Variants in GPALPP1 observed in about 807,000 individuals in gnomAD.
GPALPP1 encodes GPALPP motifs containing 1.
GPALPP1 carries 30 observed loss-of-function variants against 38.9 expected under a neutral mutation model. The ratio of observed to expected loss-of-function variants is 0.77; its 90% CI spans 0.58 to 1.05. GPALPP1 has a LOEUF of 1.05. Among genes scored for constraint, GPALPP1 ranks in the 50% least tolerant of loss-of-function variants. The pLI is 0.00. For synonymous variants in GPALPP1, 120 were observed against 139.2 expected (o/e 0.86, Z 0.97); for missense variants, 384 against 408.8 (o/e 0.94, Z 0.52).
Position 45,004,274 on chromosome 13 carries a change from C to T in GPALPP1, c.89-31C>T, listed in dbSNP as rs116977646. On this transcript the variant is annotated intron_variant, in intron 1 of 7. Transcript: ENST00000379151. Reference sequence around the variant, plus strand: ...GAAGGGTTCATTGAAACAGTAGTGGCTAGTGATGACAAACAACAAGTGTTC... The same window carrying T: ...GAAGGGTTCATTGAAACAGTAGTGGTTAGTGATGACAAACAACAAGTGTTC... 8.4e-4 allele frequency: 1,333 copies of T among 1,593,940 alleles called. 23 individuals are homozygous for T. The East Asian group carries it at 0.027, about 33-fold the overall frequency.
chr13:44,995,082 C>T (rs1873151595), intron 1 of GPALPP1, among the ~76,000 whole-genome samples: 1 of 151,866 alleles, frequency 6.6e-6, no homozygotes, highest in African/African-American at 2.4e-5. Context: ...GAACTCCCGA[C>T]CTCAGGTGAT....
intron 1 of GPALPP1, among the ~76,000 whole-genome samples, chr13:44,995,334 C>CT (rs1300671587): frequency 6.6e-6 from 1 of 152,122 alleles, no homozygotes; most frequent in Non-Finnish European, 1.5e-5. Flanking sequence ...AAGCTGACTC[C>CT]TAAGCCCTCT....
intron 2 of GPALPP1, among the ~76,000 whole-genome samples, chr13:45,005,447 A>G (rs1183212937): frequency 6.6e-6 from 1 of 152,052 alleles, no homozygotes; most frequent in East Asian, 1.9e-4. Flanking sequence ...GTCTATGTAA[A>G]TGAGAAGTCA....
chr13:45,020,343 C>G lies in GPALPP1; in HGVS notation c.719C>G (p.Ala240Gly), dbSNP rs749083020. Residue 240 changes from alanine to glycine, a missense_variant, in exon 7 of 8, where the codon GCA (alanine) becomes GGA (glycine). Coordinates refer to ENST00000379151, the MANE Select transcript of GPALPP1 (RefSeq NM_018559.5). ...TTCATTCCTCAGGAAACACAAGAAG[C>G]AAGGAAGTCATCCAGTAAGAAAGAT... ...RERKAKETQEARKSSSKKDEE... is the reference protein window; with the variant it reads ...RERKAKETQEGRKSSSKKDEE... 1.4e-6 allele frequency: 2 copies of G among 1,453,946 alleles called. No individual in the cohort carries two copies. Among genetic ancestry groups the G allele is most frequent in the Non-Finnish European group, 1.9e-6 (2 of 1,035,546 alleles). 90.1% of individuals were successfully genotyped at this position (1,453,946 alleles called of 1,614,324 possible).
chr13:45,017,838 C>T (rs1874981717), intron 6 of GPALPP1, among the ~76,000 whole-genome samples: 1 of 152,106 alleles, frequency 6.6e-6, no homozygotes, highest in Admixed American at 6.6e-5. Flanking sequence ...ATTAATAAGT[C>T]TTAAATTTTA....
chr13:45,006,336 C>A, intron 3 of GPALPP1, 33 bp downstream of exon 3: 1 of 1,044,698 alleles, frequency 9.6e-7, no homozygotes, highest in Non-Finnish European at 1.4e-6. Flanking sequence ...GCCAGTCTTT[C>A]TTTAAATATT....
intron 1 of GPALPP1, chr13:45,002,087 T>C (rs1873728177): frequency 6.6e-6 from 1 of 152,368 alleles, no homozygotes; most frequent in East Asian, 1.9e-4. Context: ...GTAATTCATA[T>C]CATGTCTGTC....
chr13:44,989,611 T>A lies in GPALPP1; in HGVS notation c.-44T>A. ...GGATTCTTTTTGGATAGGGTTGACG[T>A]TCGTGGATAGACTCATATCTGTGAC... On this transcript the variant is annotated 5_prime_UTR_variant, in exon 1 of 8. Transcript: ENST00000379151. 1.9e-6 allele frequency: 3 copies of A among 1,548,334 alleles called. No individual in the cohort carries two copies. The highest frequency in any genetic ancestry group is 2.7e-6 in the Non-Finnish European group (3 of 1,122,760).
intron 7 of GPALPP1, among the ~76,000 whole-genome samples, chr13:45,026,542 AT>A (rs899979767): frequency 5.9e-5 from 9 of 152,168 alleles, no homozygotes; most frequent in Non-Finnish European, 1.2e-4. Flanking sequence ...CACTTTCAGC[AT>A]TTTTTACTAG....
downstream of GPALPP1, chr13:45,034,531 A>G (rs544579756): frequency 3.3e-5 from 5 of 152,220 alleles, no homozygotes; most frequent in African/African-American, 1.2e-4. Context: ...ACATATGCAA[A>G]TGCCCTGAAG....
Position 45,015,476 on chromosome 13 carries a change from T to C in GPALPP1, c.585T>C (p.Leu195=). ...PIVRESWMTE[L]PPEMKDFGLG... Reference sequence around the variant, plus strand: ...TAAGAGAGTCATGGATGACTGAACTTCCTCCAGAAATGAAAGACTTTGGTC... The same window carrying C: ...TAAGAGAGTCATGGATGACTGAACTCCCTCCAGAAATGAAAGACTTTGGTC... The change falls in exon 6 of 8, where the codon CTT becomes CTC. Residue 195 remains leucine (L), a synonymous_variant. Transcript: ENST00000379151. The C allele has an allele frequency of 4.4e-6, 7 of 1,607,334 alleles. No homozygotes were observed. Among genetic ancestry groups the C allele is most frequent in the Non-Finnish European group, 5.9e-6 (7 of 1,176,986 alleles).
At chr13:44,995,199 CA>C (rs1159198571) in intron 1 of GPALPP1, among the ~76,000 whole-genome samples, 4 of 35,360 alleles carry the variant, frequency 1.1e-4, no homozygotes, top group African/African-American at 1.9e-4. Context: ...CACACACACA[CA>C]CACCCCTTCT....
In GPALPP1 at chr13:44,989,649, C is replaced by T; in HGVS notation, c.-6C>T. ...TCATATCTGTGACCAGTGTCCGCCA[C>T]CGCGGATGGCAAGAGACCTGATCGG... On this transcript the variant is annotated 5_prime_UTR_variant, in exon 1 of 8. Transcript: ENST00000379151. The T allele has an allele frequency of 6.2e-7, 1 of 1,610,044 alleles. No individual in the cohort carries two copies.
chr13:44,991,174 T>A (rs1872771395), intron 1 of GPALPP1, among the ~76,000 whole-genome samples: 1 of 151,860 alleles, frequency 6.6e-6, no homozygotes, highest in Non-Finnish European at 1.5e-5. Context: ...TAAGGCCAGG[T>A]GCGGTGGCTC....
intron 1 of GPALPP1, among the ~76,000 whole-genome samples, chr13:45,000,487 A>G (rs965590760): frequency 6.6e-6 from 1 of 152,204 alleles, no homozygotes; most frequent in African/African-American, 2.4e-5. Context: ...CAAGAACAGC[A>G]CATATTTAGA....
chr13:45,031,342 T>G (rs550899127), downstream of GPALPP1: 14 of 152,316 alleles, frequency 9.2e-5, no homozygotes, highest in African/African-American at 3.1e-4. Context: ...TGTTATAATT[T>G]TTTCCCAATG....
chr13:44,992,544 C>T (rs915031079), intron 1 of GPALPP1, among the ~76,000 whole-genome samples: 3 of 151,982 alleles, frequency 2.0e-5, no homozygotes, highest in South Asian at 2.1e-4. Context: ...TTTGCCCACC[C>T]CAAGGTTATA....
chr13:44,996,951 T>G (rs1766588956), intron 1 of GPALPP1, among the ~76,000 whole-genome samples: 2 of 152,102 alleles, frequency 1.3e-5, no homozygotes, highest in Admixed American at 1.3e-4. Flanking sequence ...CTTTTCATCT[T>G]GTAAAACAGA....
rs141908605 is a variant in GPALPP1, at chr13:44,998,934, A to T, written c.89-5371A>T. ...AGATTTTGGTAGCTGCAAACAGGGG[A>T]GTTGGTCCTGGAACCAATCTCCCGA... On this transcript the variant is annotated intron_variant, in intron 1 of 7. Coordinates refer to ENST00000379151, the MANE Select transcript of GPALPP1 (RefSeq NM_018559.5). 2.9e-3 allele frequency among the ~76,000 whole-genome samples: 435 copies of T among 152,320 alleles called. 1 individual carries two copies. The highest frequency in any genetic ancestry group is 0.01 in the African/African-American group (416 of 41,572).
Sources: gnomAD v4.1 joint callset for allele counts (sites outside exome capture counted in the v4.1 genomes callset) on GRCh38, gnomAD v4.1.1 for gene constraint, MANE v1.5 for transcripts, NCBI Gene and HGNC (gene_info 2026-07-23, HGNC 2026-07-21) for gene names.